SVEP1: variants seen among roughly 807,000 people sequenced by gnomAD.
SVEP1 encodes sushi, von Willebrand factor type A, EGF and pentraxin domain containing 1.
A neutral mutation model predicts 367.3 loss-of-function variants in SVEP1; 164 were observed. The ratio of observed to expected loss-of-function variants is 0.45; its 90% confidence interval spans 0.39 to 0.51. SVEP1 has a LOEUF of 0.51. SVEP1 is among the 20% of genes least tolerant of loss of function. SVEP1 has a pLI of 0.00. For missense variants in SVEP1, 4,117 were observed against 4,425.3 expected, an observed-to-expected ratio of 0.93 and a Z score of 1.98; for synonymous variants, 1,666 against 1,611.6, an observed-to-expected ratio of 1.03 and a Z score of -0.81.
chr9:110,544,483 A>T (rs1377454045), intron 3 of SVEP1, among the ~76,000 whole-genome samples: 1 of 152,142 alleles, frequency 6.6e-6, no homozygotes, highest in Non-Finnish European at 1.5e-5. Flanking sequence ...AAAATATTCG[A>T]TTTTCTTAAA....
intron 1 of SVEP1, among the ~76,000 whole-genome samples, chr9:110,575,223 G>T (rs74420913): frequency 0.19 from 28,859 of 152,098 alleles, 2,805 homozygotes; most frequent in East Asian, 0.28. Flanking sequence ...CAATTCCTCT[G>T]TTCAAGACAG....
Position 110,381,399 on chromosome 9 carries a change from A to G in SVEP1, c.10238-1882T>C, listed in dbSNP as rs375501391. On this transcript the variant is annotated intron_variant, in intron 43 of 47. Coordinates refer to ENST00000374469, the MANE Select transcript of SVEP1 (RefSeq NM_153366.4). Reference sequence around the variant, plus strand: ...AACTGTGTCCCAGAGATTCTGGTACATTGTCTCATTGTTCTCATTGCTTTC... The same window carrying G: ...AACTGTGTCCCAGAGATTCTGGTACGTTGTCTCATTGTTCTCATTGCTTTC... Among the ~76,000 whole-genome samples the G allele has an allele frequency of 2.7e-5, 4 of 150,784 alleles. No individual in the cohort carries two copies. In the South Asian group the frequency reaches 8.4e-4, roughly 32 times the overall value.
chr9:110,431,946 T>C lies in SVEP1; in HGVS notation c.5322A>G (p.Pro1774=), dbSNP rs747553967. Residue 1774 remains proline, a synonymous_variant, in exon 32 of 48, where the codon CCA becomes CCG. Transcript: ENST00000374469. ...AGTTTTTCCCATCTCCTGTGTACGGTGGGACACATGAACATATGTAGGATC... is the reference window on the plus strand; with the variant it reads ...AGTTTTTCCCATCTCCTGTGTACGGCGGGACACATGAACATATGTAGGATC... ...VDGSYICSCV[P]PYTGDGKNCA... 2 of 1,613,574 alleles carry C rather than the reference T, an allele frequency of 1.2e-6. No homozygotes were observed.
rs1827923262 is a variant in SVEP1, at chr9:110,404,443, G to A, written c.9550C>T (p.Pro3184Ser). Residue 3184 changes from proline (P) to serine (S), a missense_variant, in exon 39 of 48, where the codon CCG becomes TCG. Physicochemically the swap from Pro to Ser is moderately conservative, Grantham distance 74. Transcript: ENST00000374469. ...ISCSPKKCPL[P>S]ENITHILVHG... ...ACAAGTATATGTGTTATGTTTTCCGGGAGAGGACATTTTTTAGGACTGCAG... is the reference window on the plus strand; with the variant it reads ...ACAAGTATATGTGTTATGTTTTCCGAGAGAGGACATTTTTTAGGACTGCAG... 6.2e-7 allele frequency: 1 copy of A among 1,613,958 alleles called. No individual in the cohort carries two copies. Among genetic ancestry groups the A allele is most frequent in the African/African-American group, 1.3e-5 (1 of 75,034 alleles).
chr9:110,379,206 G>T, intron 44 of SVEP1, 141 bp downstream of exon 44: 1 of 952,342 alleles, frequency 1.1e-6, no homozygotes, highest in African/African-American at 1.7e-5. Flanking sequence ...AACATTAAAA[G>T]AAAATTACAC....
intron 1 of SVEP1, among the ~76,000 whole-genome samples, chr9:110,563,050 A>G (rs748475843): frequency 1.3e-5 from 2 of 152,212 alleles, no homozygotes; most frequent in Non-Finnish European, 2.9e-5. Flanking sequence ...CAGATGAAAG[A>G]GAATAAATTG....
At chr9:110,387,567 T>C in intron 41 of SVEP1, 109 bp from the exon 42 acceptor site, 1 of 1,211,960 alleles carries the variant, frequency 8.3e-7, no homozygotes, top group Non-Finnish European at 1.1e-6. Flanking sequence ...TATTATGGCC[T>C]ACTCATGTGT....
At chr9:110,400,060 A>T (rs1827832950) in intron 40 of SVEP1, among the ~76,000 whole-genome samples, 1 of 152,238 alleles carries the variant, frequency 6.6e-6, no homozygotes, top group Non-Finnish European at 1.5e-5. Context: ...TGTCTCAGGA[A>T]TGAAGTTGGT....
intron 3 of SVEP1, among the ~76,000 whole-genome samples, chr9:110,534,864 G>A (rs539683687): frequency 4.6e-5 from 7 of 151,914 alleles, no homozygotes; most frequent in African/African-American, 1.7e-4. Flanking sequence ...GTTTTAATGG[G>A]GTTGCTTTTT....
At position 110,366,525 on chromosome 9, in the gene SVEP1, T is replaced by C. The variant is rs1211887405; in HGVS notation, c.*14A>G. The C allele has an allele frequency of 6.5e-6, 10 of 1,547,030 alleles. No individual in the cohort carries two copies. Among genetic ancestry groups the C allele is most frequent in the African/African-American group, 1.4e-5 (1 of 71,094 alleles). The stretch of plus-strand genomic sequence containing the variant: ...TGATCCTGCTTTTGGGAGAGCCAGA[T>C]GGTCGTGCAGTGGTTAAAACCCAGT... On this transcript the variant is annotated 3_prime_UTR_variant, in exon 48 of 48. Transcript: ENST00000374469.
chr9:110,397,446 C>T (rs1401226970), intron 40 of SVEP1, among the ~76,000 whole-genome samples: 2 of 151,120 alleles, frequency 1.3e-5, no homozygotes, highest in East Asian at 3.9e-4. Flanking sequence ...GACAGGGATG[C>T]CCTCTCTCAC....
intron 39 of SVEP1, among the ~76,000 whole-genome samples, chr9:110,404,115 C>A (rs911446747): frequency 6.6e-6 from 1 of 152,034 alleles, no homozygotes; most frequent in African/African-American, 2.4e-5. Flanking sequence ...AATATTTTAC[C>A]TAACCCTGGC....
intron 13 of SVEP1, 76 bp from the exon 14 acceptor site, chr9:110,476,391 G>A: frequency 9.2e-7 from 1 of 1,087,046 alleles, no homozygotes; most frequent in Non-Finnish European, 1.4e-6. Flanking sequence ...TGCTCCCCTG[G>A]CCTTCACGTC....
At chr9:110,568,588 T>C (rs544780513) in intron 1 of SVEP1, among the ~76,000 whole-genome samples, 1 of 152,274 alleles carries the variant, frequency 6.6e-6, no homozygotes, top group Admixed American at 6.5e-5. Flanking sequence ...AGATCTCGAA[T>C]GCACAAGAAA....
Position 110,498,986 on chromosome 9 carries a change from C to A in SVEP1, c.1681+55G>T. The A allele has an allele frequency of 3.3e-6, 5 of 1,502,238 alleles. No homozygotes were observed. In the South Asian group the frequency reaches 3.9e-5, roughly 12 times the overall value. The allele number at this position is 1,502,238 out of a possible 1,614,324, so 93.1% of individuals were successfully genotyped here. ...AAAGAAGGATTGTCCTATACTGCAC[C>A]CATATGGCAATATTAAAAAATTTGA... On this transcript the variant is annotated intron_variant, in intron 7 of 47. Coordinates refer to ENST00000374469, the MANE Select transcript of SVEP1 (RefSeq NM_153366.4).
chr9:110,543,657 C>T (rs1163440197), intron 3 of SVEP1, among the ~76,000 whole-genome samples: 1 of 152,156 alleles, frequency 6.6e-6, no homozygotes, highest in Non-Finnish European at 1.5e-5. Flanking sequence ...GTGGCTAAGG[C>T]TGTAGGCAGC....
chr9:110,461,723 AATTC>A (rs1828861176), intron 18 of SVEP1, among the ~76,000 whole-genome samples: 1 of 152,228 alleles, frequency 6.6e-6, no homozygotes, highest in African/African-American at 2.4e-5. Flanking sequence ...AAGAGATGGT[AATTC>A]AATCAAGAGA....
chr9:110,389,535 G>T lies in SVEP1; in HGVS notation c.9875C>A (p.Ala3292Glu). 1.2e-6 allele frequency: 2 copies of T among 1,613,484 alleles called. No individual in the cohort carries two copies. The highest frequency in any genetic ancestry group is 1.7e-6 in the Non-Finnish European group (2 of 1,179,708). Residue 3292 changes from alanine to glutamate, a missense_variant, in exon 41 of 48, where the codon GCA (alanine) becomes GAA (glutamate). By Grantham distance (107) the Ala-to-Glu change is moderately radical. Coordinates refer to ENST00000374469, the MANE Select transcript of SVEP1 (RefSeq NM_153366.4). ...GTCATTCAACTCACCTTTGCATATT[G>T]CCACCCCTCCACTCCACTGTCTGTT... The part of the protein sequence containing the change: ...QENRQWSGGV[A>E]ICKETRCETP...
intron 1 of SVEP1, among the ~76,000 whole-genome samples, chr9:110,565,333 G>T (rs1302623316): frequency 6.6e-6 from 1 of 152,112 alleles, no homozygotes; most frequent in Non-Finnish European, 1.5e-5. Flanking sequence ...AATACTTAAG[G>T]TCACTTAGGA....
Sources: allele counts gnomAD v4.1 joint callset (sites outside exome capture counted in the v4.1 genomes callset), GRCh38; gene constraint gnomAD v4.1.1; transcripts MANE v1.5; gene names NCBI Gene and HGNC (gene_info 2026-07-23, HGNC 2026-07-21).